SARDH: variants seen among roughly 807,000 people sequenced by gnomAD.
SARDH encodes sarcosine dehydrogenase, mitochondrial.
In SARDH, 95 loss-of-function variants were observed where a neutral mutation model predicts 109.1. The observed-to-expected ratio is 0.87, with a 90% CI of 0.74 to 1.03. The LOEUF is 1.03. Ranked by LOEUF, SARDH falls within the 50% of genes least tolerant of loss-of-function variation. The pLI, the probability that SARDH is intolerant of heterozygous loss-of-function variation, is 0.00. For synonymous variants in SARDH, 572 were observed against 534.8 expected (o/e 1.07, Z -0.96); for missense variants, 1,267 against 1,287.8 (o/e 0.98, Z 0.25).
At chr9:133,702,734 G>A (rs1315196545) in intron 13 of SARDH, among the ~76,000 whole-genome samples, 182 bp downstream of exon 13, 1 of 152,152 alleles carries the variant, frequency 6.6e-6, no homozygotes, top group Non-Finnish European at 1.5e-5. Context: ...GAGGGAGGAG[G>A]GGGAGAGGAA....
At chr9:133,696,043 G>A (rs1317947091) in intron 14 of SARDH, among the ~76,000 whole-genome samples, 180 bp downstream of exon 14, 5 of 131,858 alleles carry the variant, frequency 3.8e-5, no homozygotes, top group African/African-American at 1.4e-4. Context: ...AGTAATGAGG[G>A]CCTGGGGCCT....
Position 133,732,515 on chromosome 9 carries a change from C to G in SARDH, c.418G>C (p.Glu140Gln). ...RRVVSRELEE[E>Q]TGLHTGWIQN... The stretch of plus-strand genomic sequence containing the variant: ...ATCCAGCCCGTGTGTAGTCCCGTCT[C>G]CTCCTCCAGCTCCCGGCTCACCACC... The change falls in exon 3 of 21, where the codon GAG becomes CAG. Residue 140 changes from glutamate to glutamine, a missense_variant. Coordinates refer to ENST00000439388, the MANE Select transcript of SARDH (RefSeq NM_001134707.2). 1 of 1,613,878 alleles carries G rather than the reference C, an allele frequency of 6.2e-7. No individual in the cohort carries two copies. Among genetic ancestry groups the G allele is most frequent in the East Asian group, 2.2e-5 (1 of 44,838 alleles).
downstream of SARDH, among the ~76,000 whole-genome samples, chr9:133,659,890 C>T (rs373032206): frequency 1.3e-5 from 2 of 152,080 alleles, no homozygotes; most frequent in African/African-American, 4.8e-5. Flanking sequence ...ATTGCCAGCC[C>T]AGAGAAGGGT....
intron 16 of SARDH, among the ~76,000 whole-genome samples, chr9:133,689,306 G>A (rs138071724): frequency 6.3e-4 from 96 of 151,650 alleles, no homozygotes; most frequent in African/African-American, 2.2e-3. Flanking sequence ...CCCTCATCTC[G>A]TGCCTCTTCC....
chr9:133,689,078 G>C (rs993928196), intron 16 of SARDH, among the ~76,000 whole-genome samples: 1 of 152,178 alleles, frequency 6.6e-6, no homozygotes. Flanking sequence ...ACTCCAGCCA[G>C]AGGTCTCGGC....
At chr9:133,679,137 T>C (rs149525373) in intron 17 of SARDH, among the ~76,000 whole-genome samples, 187 of 152,312 alleles carry the variant, frequency 1.2e-3, no homozygotes, top group Non-Finnish European at 2.2e-3. Context: ...CACACTATCG[T>C]GGCAACAGCT....
At chr9:133,732,325 T>G in intron 3 of SARDH, 98 bp downstream of exon 3, 50 of 445,994 alleles carry the variant, frequency 1.1e-4, no homozygotes, top group Middle Eastern at 8.6e-4. Context: ...GAGCCCACCC[T>G]ACCCCCCCAC....
At chr9:133,661,321 C>G (rs1054590859), downstream of SARDH, among the ~76,000 whole-genome samples, 23 of 149,386 alleles carry the variant, frequency 1.5e-4, no homozygotes, top group African/African-American at 5.8e-4. Flanking sequence ...GCTTGGGCAA[C>G]AGAGTAAAAC....
At chr9:133,726,394 A>ATAATAATAATAATAG (rs59172198) in intron 6 of SARDH, among the ~76,000 whole-genome samples, 1,547 of 132,266 alleles carry the variant, frequency 0.012, 13 homozygotes, top group Non-Finnish European at 0.017. Context: ...AATAATAATA[A>ATAATAATAATAATAG]TAGTAGTAGT....
chr9:133,703,303 G>C, intron 12 of SARDH: 1 of 492,314 alleles, frequency 2.0e-6, no homozygotes, highest in Non-Finnish European at 3.7e-6. Context: ...TGCACCCAAG[G>C]TGGGGAACGA....
chr9:133,674,072 C>T (rs1830439545), intron 17 of SARDH, among the ~76,000 whole-genome samples: 1 of 152,228 alleles, frequency 6.6e-6, no homozygotes, highest in East Asian at 1.9e-4. Context: ...CTGGGGAAAT[C>T]CAGGGGCCTC....
chr9:133,719,703 A>T (rs1226073652), intron 6 of SARDH, among the ~76,000 whole-genome samples: 1 of 135,000 alleles, frequency 7.4e-6, no homozygotes, highest in Non-Finnish European at 1.5e-5. Flanking sequence ...AAGGCTTGAG[A>T]TGTTGACACC....
chr9:133,717,294 A>T (rs1832158956), intron 8 of SARDH, 32 bp downstream of exon 8: 1 of 1,611,784 alleles, frequency 6.2e-7, no homozygotes, highest in South Asian at 1.1e-5. Flanking sequence ...GGACCCATGG[A>T]CGCCCACCCC....
chr9:133,703,269 C>T, intron 12 of SARDH: 1 of 540,304 alleles, frequency 1.9e-6, no homozygotes, highest in East Asian at 3.1e-5. Context: ...AGCCAGGGCC[C>T]AGGAGGCTGG....
rs1195368985 is a variant in SARDH at position 133,704,874 on chromosome 9, C to T, written c.1554+74G>A. On this transcript the variant is annotated intron_variant, in intron 12 of 20. Coordinates refer to ENST00000439388, the MANE Select transcript of SARDH (RefSeq NM_001134707.2). The surrounding 1 kb of genome is among the most constrained non-coding windows in gnomAD (Gnocchi z 4.5). ...GGCGGGGCACACGGAGGGGCAAGGA[C>T]GGGGCACGTGGAGGGGCAAGGGGGT... 3.4e-5 allele frequency: 45 copies of T among 1,308,874 alleles called. No homozygotes were observed. Among genetic ancestry groups the T allele is most frequent in the South Asian group, 5.1e-5 (4 of 78,210 alleles). The allele number at this position is 1,308,874 out of a possible 1,614,324, so 81.1% of individuals were successfully genotyped here.
intron 17 of SARDH, among the ~76,000 whole-genome samples, chr9:133,682,384 C>T (rs373309263): frequency 2.0e-5 from 3 of 152,304 alleles, no homozygotes; most frequent in South Asian, 2.1e-4. Context: ...AAGAAGATGG[C>T]GGGCAACACA....
At chr9:133,710,446 A>G (rs1282309029) in intron 10 of SARDH, among the ~76,000 whole-genome samples, 1 of 152,154 alleles carries the variant, frequency 6.6e-6, no homozygotes. Context: ...CAGGCCCCGC[A>G]CCCAGGGACG....
chr9:133,670,497 G>A, intron 19 of SARDH, 87 bp downstream of exon 19: 3 of 1,396,392 alleles, frequency 2.1e-6, no homozygotes, highest in Non-Finnish European at 2.9e-6. Context: ...TGGTACCAGG[G>A]GCTTTGAGTG....
chr9:133,733,759 CA>C, intron 2 of SARDH, 83 bp downstream of exon 2: 1 of 1,306,498 alleles, frequency 7.7e-7, no homozygotes. Flanking sequence ...TGTTGTGAAC[CA>C]AGAACTGTCC....
Sources: gnomAD v4.1 joint callset for allele counts (sites outside exome capture counted in the v4.1 genomes callset) on GRCh38, gnomAD v4.1.1 for gene constraint, Gnocchi (gnomAD v3.1) non-coding constraint, MANE v1.5 for transcripts, NCBI Gene and HGNC (gene_info 2026-07-23, HGNC 2026-07-21) for gene names.